The following ZNF131 variants were observed in gnomAD, a reference collection of about 807,000 sequenced individuals.
ZNF131 encodes zinc finger protein 131.
In ZNF131, 7 loss-of-function variants were observed where a neutral mutation model predicts 60.0. That is an observed-to-expected ratio of 0.12 (90% CI 0.07 to 0.22). ZNF131 has a LOEUF of 0.22. Ranked by LOEUF, ZNF131 falls within the 10% of genes least tolerant of loss-of-function variation. ZNF131 has a pLI of 1.00. For missense variants in ZNF131, 493 were observed against 740.9 expected, an observed-to-expected ratio of 0.67 and a Z score of 3.88; for synonymous variants, 257 against 253.2, an observed-to-expected ratio of 1.01 and a Z score of -0.14.
chr5:43,132,496 A>AATGG lies in ZNF131; in HGVS notation c.227-6668_227-6665dup, dbSNP rs1745478013. 2.0e-5 allele frequency among the ~76,000 whole-genome samples: 3 copies of AATGG among 147,726 alleles called. No homozygotes were observed. The South Asian group carries it at 6.4e-4, about 31-fold the overall frequency. On this transcript the variant is annotated intron_variant, in intron 3 of 6. Transcript: ENST00000682664. ...AAAACATGAAAGTTCTAACTTCCTG[A>AATGG]ATGGTATTCTTTTTTTTTTTTTTTT...
intron 4 of ZNF131, chr5:43,143,513 C>G (rs1157883114): frequency 7.4e-6 from 6 of 806,204 alleles, no homozygotes; most frequent in Non-Finnish European, 1.1e-5. Flanking sequence ...TTTAGATGAG[C>G]CAGACATCGT....
intron 4 of ZNF131, among the ~76,000 whole-genome samples, chr5:43,140,125 G>T (rs142448081): frequency 1.4e-4 from 2 of 14,316 alleles, no homozygotes; most frequent in Non-Finnish European, 3.1e-4. Context: ...TGAGGTGGGA[G>T]GGGAGGATCA....
intron 4 of ZNF131, among the ~76,000 whole-genome samples, chr5:43,141,853 T>G (rs1214665595): frequency 6.6e-6 from 1 of 152,168 alleles, no homozygotes; most frequent in Non-Finnish European, 1.5e-5. Flanking sequence ...GAATTGTTTC[T>G]TGAACCAGAT....
Position 43,174,827 on chromosome 5 carries a change from G to C in ZNF131, c.1566G>C (p.Val522=). The change falls in exon 7 of 7, where the codon GTG becomes GTC. Residue 522 remains valine (V), a synonymous_variant. Transcript: ENST00000682664. ...GTGAGCTTCCAGAGCAGGTCCAAGT[G>C]AGTTATCTAGAAGTGGGCCGAATTC... The part of the protein sequence containing the change: ...HMSELPEQVQ[V]SYLEVGRIQT... The C allele has an allele frequency of 6.2e-7, 1 of 1,614,184 alleles. No individual in the cohort carries two copies. Among genetic ancestry groups the C allele is most frequent in the African/African-American group, 1.3e-5 (1 of 75,048 alleles).
chr5:43,135,349 A>T (rs1745941115), intron 3 of ZNF131, among the ~76,000 whole-genome samples: 1 of 152,138 alleles, frequency 6.6e-6, no homozygotes, highest in Non-Finnish European at 1.5e-5. Context: ...AAATTAGGAG[A>T]ACAATCCCAT....
chr5:43,129,279 C>A (rs1210118862), intron 3 of ZNF131, among the ~76,000 whole-genome samples: 2 of 152,104 alleles, frequency 1.3e-5, no homozygotes, highest in African/African-American at 4.8e-5. Context: ...ACTACTTTGC[C>A]CATGCTGGTC....
At chr5:43,153,863 A>T (rs115112624) in intron 4 of ZNF131, among the ~76,000 whole-genome samples, 7 of 152,342 alleles carry the variant, frequency 4.6e-5, no homozygotes, top group South Asian at 2.1e-4. Context: ...ATTTTGAGTC[A>T]TTGTTTGAGA....
intron 3 of ZNF131, among the ~76,000 whole-genome samples, chr5:43,134,701 T>C (rs956950809): frequency 5.3e-4 from 76 of 142,724 alleles, no homozygotes; most frequent in Non-Finnish European, 8.4e-4. Context: ...TTCTTTTTTT[T>C]TTTTTTTTTT....
At chr5:43,147,880 C>T (rs1747814861) in intron 4 of ZNF131, among the ~76,000 whole-genome samples, 1 of 151,462 alleles carries the variant, frequency 6.6e-6, no homozygotes, top group Non-Finnish European at 1.5e-5. Context: ...ATGGTGAAAC[C>T]CACCTCTACT....
chr5:43,123,342 A>T, intron 3 of ZNF131, 32 bp downstream of exon 3: 1 of 1,543,804 alleles, frequency 6.5e-7, no homozygotes, highest in East Asian at 2.3e-5. Flanking sequence ...TTTATTTAAT[A>T]AATCAAAGAA....
At chr5:43,167,884 C>A (rs557951878) in intron 5 of ZNF131, 2 of 434,226 alleles carry the variant, frequency 4.6e-6, no homozygotes, top group African/African-American at 2.0e-5. Context: ...TATAACAATA[C>A]CTGAAACTGG....
At position 43,173,308 on chromosome 5, in the gene ZNF131, C is replaced by T; in HGVS notation, c.1055-10C>T. 2 of 1,549,668 alleles carry T rather than the reference C, an allele frequency of 1.3e-6. No individual in the cohort carries two copies. Among genetic ancestry groups the T allele is most frequent in the Non-Finnish European group, 8.8e-7 (1 of 1,139,590 alleles). On this transcript the variant is annotated splice_polypyrimidine_tract_variant and intron_variant, in intron 5 of 6. Coordinates refer to ENST00000682664, the MANE Select transcript of ZNF131 (RefSeq NM_001330707.2). Reference sequence around the variant, plus strand: ...TAATTTGCCAACGTATCTTTTTTCCCCTCTAATAGGTGAAAAACCTTTTGA... The same window carrying T: ...TAATTTGCCAACGTATCTTTTTTCCTCTCTAATAGGTGAAAAACCTTTTGA...
intron 4 of ZNF131, among the ~76,000 whole-genome samples, chr5:43,148,806 A>T (rs1453810109): frequency 6.6e-6 from 1 of 152,218 alleles, no homozygotes; most frequent in Non-Finnish European, 1.5e-5. Flanking sequence ...GACTTTTAAC[A>T]TGCATGTATA....
chr5:43,161,644 A>C lies in ZNF131; in HGVS notation c.767A>C (p.His256Pro), dbSNP rs371226030. Reference protein sequence around the residue: ...GIEIVELQLSHVKDLFHCEKC... With the variant: ...GIEIVELQLSPVKDLFHCEKC... ...GAAATTGTGGAACTTCAGCTGTCAC[A>C]TGTGAAGGACTTGTTCCATTGTGAG... Residue 256 changes from histidine to proline, a missense_variant, in exon 5 of 7, where the codon CAT becomes CCT. By Grantham distance (77) the His-to-Pro change is moderately conservative (BLOSUM62 -2). Transcript: ENST00000682664. 41 of 1,614,126 alleles carry C rather than the reference A, an allele frequency of 2.5e-5. No homozygotes were observed. The highest frequency in any genetic ancestry group is 3.2e-5 in the Non-Finnish European group (38 of 1,180,036).
At chr5:43,122,280 C>G (rs1364474423) in intron 2 of ZNF131, 103 bp downstream of exon 2, 2 of 1,323,408 alleles carry the variant, frequency 1.5e-6, no homozygotes, top group Admixed American at 2.7e-5. Flanking sequence ...AACCCATCCT[C>G]TATGGTCTCC....
At chr5:43,141,203 T>TTGTGAATA (rs1452951129) in intron 4 of ZNF131, among the ~76,000 whole-genome samples, 1 of 152,052 alleles carries the variant, frequency 6.6e-6, no homozygotes, top group Non-Finnish European at 1.5e-5. Flanking sequence ...CAGGAAACAT[T>TTGTGAATA]TGTGAATAGA....
In ZNF131 at chr5:43,176,047, A is replaced by T. The variant is rs1197907869; in HGVS notation, c.*914A>T. 6.6e-6 allele frequency: 1 copy of T among 152,310 alleles called. No individual in the cohort carries two copies. Among genetic ancestry groups the T allele is most frequent in the African/African-American group, 2.4e-5 (1 of 41,456 alleles). 9.4% of individuals were successfully genotyped at this position (152,310 alleles called of 1,614,324 possible). On this transcript the variant is annotated 3_prime_UTR_variant, in exon 7 of 7. Coordinates refer to ENST00000682664, the MANE Select transcript of ZNF131 (RefSeq NM_001330707.2). ...AGCATTTAAAAATTAATGTATTTAA[A>T]ATAAAGTACAGAGAAAGACATGTAT...
intron 4 of ZNF131, among the ~76,000 whole-genome samples, chr5:43,150,920 C>T (rs1268201963): frequency 1.3e-5 from 2 of 152,180 alleles, no homozygotes; most frequent in African/African-American, 4.8e-5. Context: ...AATCATGCAC[C>T]CACCACACTA....
At chr5:43,151,693 C>T (rs961370095) in intron 4 of ZNF131, among the ~76,000 whole-genome samples, 4 of 152,172 alleles carry the variant, frequency 2.6e-5, no homozygotes, top group South Asian at 2.1e-4. Context: ...CCTCGGAGTC[C>T]CAAAGTGCTG....
Sources: allele counts gnomAD v4.1 joint callset (sites outside exome capture counted in the v4.1 genomes callset), GRCh38; gene constraint gnomAD v4.1.1; transcripts MANE v1.5; gene names NCBI Gene and HGNC (gene_info 2026-07-23, HGNC 2026-07-21).